SZT2: variants seen among roughly 807,000 people sequenced by gnomAD.
SZT2 encodes KICSTOR complex protein SZT2.
A neutral mutation model predicts 404.2 loss-of-function variants in SZT2; 216 were observed. That is an observed-to-expected ratio of 0.53 (90% CI 0.48 to 0.60). The LOEUF is 0.60. Among genes scored for constraint, SZT2 ranks in the 20% least tolerant of loss-of-function variants. SZT2 has a pLI of 0.00. For missense variants in SZT2, 3,857 were observed against 4,459.2 expected (o/e 0.86, Z 3.85); for synonymous variants, 1,693 against 1,749.9 (o/e 0.97, Z 0.81).
In SZT2 at chr1:43,424,290, G is replaced by C. The variant is rs1310835226; in HGVS notation, c.2329G>C (p.Val777Leu). Reference protein sequence around the residue: ...TLEPPGPLPLVSGRSASSSLA... With the variant: ...TLEPPGPLPLLSGRSASSSLA... ...GGAGCCACCAGGTCCACTGCCCTTGGTGTCAGGCCGCTCAGCCTCTTCTAG... is the reference window on the plus strand; with the variant it reads ...GGAGCCACCAGGTCCACTGCCCTTGCTGTCAGGCCGCTCAGCCTCTTCTAG... The change falls in exon 16 of 72, where the codon GTG becomes CTG. Residue 777 changes from valine to leucine, a missense_variant. Around this residue, in one of 7 missense-constraint regions of SZT2, gnomAD observed 1,725 missense variants for 1,881.0 expected, o/e 0.92. Transcript: ENST00000634258. This position sits in a 1 kb window ranked among gnomAD's most constrained non-coding sequence, Gnocchi z 4.1. 2 of 1,597,860 alleles carry C rather than the reference G, an allele frequency of 1.3e-6. No individual in the cohort carries two copies. The highest frequency in any genetic ancestry group is 2.7e-5 in the African/African-American group (2 of 74,810).
At position 43,448,074 on chromosome 1, in the gene SZT2, C is replaced by A; in HGVS notation, c.9564-5C>A. 6.3e-7 allele frequency: 1 copy of A among 1,598,780 alleles called. No homozygotes were observed. Among genetic ancestry groups the A allele is most frequent in the Non-Finnish European group, 8.5e-7 (1 of 1,169,644 alleles). ...ACCACTCTCCTGCCCTGCTCCCCAC[C>A]CCAGGCTACAGTTCTTCGTGGTGCT... On this transcript the variant is annotated splice_region_variant and splice_polypyrimidine_tract_variant and intron_variant, in intron 68 of 71. Coordinates refer to ENST00000634258, the MANE Select transcript of SZT2 (RefSeq NM_001365999.1). This position sits in a 1 kb window ranked among gnomAD's most constrained non-coding sequence, Gnocchi z 4.2.
Position 43,432,528 on chromosome 1 carries a change from C to A in SZT2, c.5454C>A (p.Ala1818=). 6.2e-7 allele frequency: 1 copy of A among 1,605,998 alleles called. No homozygotes were observed. The highest frequency in any genetic ancestry group is 1.1e-5 in the South Asian group (1 of 89,634). The change falls in exon 38 of 72, where the codon GCC becomes GCA. Residue 1818 remains alanine (A), a synonymous_variant. Transcript: ENST00000634258. The part of the protein sequence containing the change: ...AEGIEGETLT[A]SPQAPGSPED... ...TTCCTATTCCTCAGACCCTGACAGC[C>A]AGCCCCCAAGCACCTGGGTCCCCAG...
intron 1 of SZT2, among the ~76,000 whole-genome samples, chr1:43,393,498 C>T (rs1332951168): frequency 2.0e-5 from 3 of 152,096 alleles, no homozygotes; most frequent in African/African-American, 4.8e-5. Flanking sequence ...CTTTTAACTG[C>T]GTGGGGATTG....
chr1:43,400,601 G>T (rs977506760), intron 1 of SZT2, among the ~76,000 whole-genome samples: 7 of 152,218 alleles, frequency 4.6e-5, no homozygotes, highest in Admixed American at 4.6e-4. Flanking sequence ...GGCAGGCGTG[G>T]TGGCTCACGC....
chr1:43,434,308 T>A, intron 40 of SZT2, 78 bp from the exon 41 acceptor site: 2 of 1,250,156 alleles, frequency 1.6e-6, no homozygotes, highest in Non-Finnish European at 2.3e-6. Context: ...ATAACTGCAG[T>A]TATGTCATAT....
At chr1:43,433,459 A>G (rs1173188614) in intron 40 of SZT2, among the ~76,000 whole-genome samples, 1 of 152,222 alleles carries the variant, frequency 6.6e-6, no homozygotes, top group African/African-American at 2.4e-5. Flanking sequence ...TAAGGATCAG[A>G]GCAGCTTTAG....
In SZT2 at chr1:43,451,639, T is replaced by C. The variant is rs1317823814; in HGVS notation, c.*1159T>C. The C allele has an allele frequency of 6.2e-7, 1 of 1,613,866 alleles. No individual in the cohort carries two copies. Among genetic ancestry groups the C allele is most frequent in the East Asian group, 2.2e-5 (1 of 44,852 alleles). ...GAAAGGGTGGGAGGGCAAAGGAAGG[T>C]CCTCTCACCAACAATGGGCAGGAAC... On this transcript the variant is annotated 3_prime_UTR_variant, in exon 72 of 72. Coordinates refer to ENST00000634258, the MANE Select transcript of SZT2 (RefSeq NM_001365999.1).
chr1:43,453,358 G>C lies in SZT2; in HGVS notation c.*2878G>C. The C allele has an allele frequency of 6.9e-7, 1 of 1,450,996 alleles. No homozygotes were observed. Among genetic ancestry groups the C allele is most frequent in the Non-Finnish European group, 9.4e-7 (1 of 1,060,718 alleles). The allele number at this position is 1,450,996 out of a possible 1,614,324, so 89.9% of individuals were successfully genotyped here. The stretch of plus-strand genomic sequence containing the variant: ...ACCTGCATCAGGGTCATGGGTCACA[G>C]GGGTGGGGGTGGGGTGGAGCGGGGT... On this transcript the variant is annotated 3_prime_UTR_variant, in exon 72 of 72. Coordinates refer to ENST00000634258, the MANE Select transcript of SZT2 (RefSeq NM_001365999.1).
intron 1 of SZT2, among the ~76,000 whole-genome samples, chr1:43,392,113 AAAAAAAAAAAAAAAT>A (rs1648444472): frequency 6.8e-6 from 1 of 147,300 alleles, no homozygotes; most frequent in Admixed American, 6.8e-5. Context: ...AAAAAAAAAA[AAAAAAAAAAAAAAAT>A]GAAACAAATG....
chr1:43,407,991 C>A (rs545437852), intron 4 of SZT2, among the ~76,000 whole-genome samples: 32 of 151,940 alleles, frequency 2.1e-4, no homozygotes, highest in African/African-American at 7.2e-4. Flanking sequence ...CGCCACCACG[C>A]CCGGCTAATT....
chr1:43,392,805 A>C (rs541040607), intron 1 of SZT2, among the ~76,000 whole-genome samples: 5 of 152,212 alleles, frequency 3.3e-5, no homozygotes, highest in Non-Finnish European at 5.9e-5. Context: ...GGGTGTAATA[A>C]AGTTATTGAC....
At chr1:43,432,212 C>G in intron 36 of SZT2, 60 bp from the exon 37 acceptor site, 1 of 1,487,908 alleles carries the variant, frequency 6.7e-7, no homozygotes, top group Non-Finnish European at 9.0e-7. Context: ...GGAAGTGTAG[C>G]TCACCATGTG....
At position 43,403,162 on chromosome 1, in the gene SZT2, T is replaced by G; in HGVS notation, c.28-15T>G. The G allele has an allele frequency of 1.2e-6, 2 of 1,613,538 alleles. No individual in the cohort carries two copies. Among genetic ancestry groups the G allele is most frequent in the South Asian group, 1.1e-5 (1 of 91,010 alleles). On this transcript the variant is annotated splice_polypyrimidine_tract_variant and intron_variant, in intron 1 of 71. Coordinates refer to ENST00000634258, the MANE Select transcript of SZT2 (RefSeq NM_001365999.1). The stretch of plus-strand genomic sequence containing the variant: ...GCCATTTTTTAAAGATGTATTAATG[T>G]CTCTTTGTTCCCAGGTGGAAGAAGC...
rs1169459726 is a variant in SZT2 at position 43,422,221 on chromosome 1, G to T, written c.1765G>T (p.Asp589Tyr). The T allele has an allele frequency of 1.3e-6, 2 of 1,581,484 alleles. No homozygotes were observed. ...TCGCCTGGTGCTAATCCTGGAGCAT[G>T]ACACGTGGGTGCCCTTAGGGCTGGG... is the stretch of plus-strand genomic sequence containing the variant. ...MHRLVLILEH[D>Y]TPIPKHLHTP... is the part of the protein sequence containing the mutation. Residue 589 changes from aspartate to tyrosine, a missense_variant, in exon 12 of 72, where the codon GAC becomes TAC. By Grantham distance (160) the Asp-to-Tyr change is radical (BLOSUM62 -3). This residue lies in a region of SZT2 where 1,725 missense variants were observed against 1,881.0 expected (regional missense o/e 0.92). Transcript: ENST00000634258.
At chr1:43,400,889 C>G (rs1358553096) in intron 1 of SZT2, among the ~76,000 whole-genome samples, 1 of 151,578 alleles carries the variant, frequency 6.6e-6, no homozygotes, top group Non-Finnish European at 1.5e-5. Context: ...AAAAAAAGAA[C>G]CTAGTATAGT....
In SZT2 at chr1:43,439,620, C is replaced by T; in HGVS notation, c.6893C>T (p.Thr2298Ile). ...GTGGKGVACITLAFVDEGGAP... is the reference protein window; with the variant it reads ...GTGGKGVACIILAFVDEGGAP... ...TTCTACCCAGGGGTTGCCTGCATCA[C>T]TCTAGCCTTTGTGGATGAAGGAGGG... Residue 2298 changes from threonine to isoleucine, a missense_variant, in exon 50 of 72, where the codon ACT (threonine) becomes ATT (isoleucine). Thr to Ile is a moderately conservative substitution (Grantham distance 89). Coordinates refer to ENST00000634258, the MANE Select transcript of SZT2 (RefSeq NM_001365999.1). The surrounding 1 kb of genome is among the most constrained non-coding windows in gnomAD (Gnocchi z 4.2). The T allele has an allele frequency of 1.2e-6, 2 of 1,613,990 alleles. No individual in the cohort carries two copies. Among genetic ancestry groups the T allele is most frequent in the African/African-American group, 1.3e-5 (1 of 75,066 alleles).
rs1463511086 is a variant in SZT2, at chr1:43,425,254, T to A, written c.2645+47T>A. 6.2e-7 allele frequency: 1 copy of A among 1,602,864 alleles called. No homozygotes were observed. The highest frequency in any genetic ancestry group is 1.1e-5 in the South Asian group (1 of 90,448). On this transcript the variant is annotated intron_variant, in intron 18 of 71. Coordinates refer to ENST00000634258, the MANE Select transcript of SZT2 (RefSeq NM_001365999.1). The surrounding 1 kb of genome is among the most constrained non-coding windows in gnomAD (Gnocchi z 4.3). ...GGCCGCCTCTGCAGAGTCAGCCTTC[T>A]CCCCACCATCCCCTAGAGGTCTGGC...
In SZT2 at chr1:43,453,356, C is replaced by A. The variant is rs377473419; in HGVS notation, c.*2876C>A. The A allele has an allele frequency of 1.1e-5, 13 of 1,157,182 alleles. No individual in the cohort carries two copies. The African/African-American group carries it at 1.8e-4, about 16-fold the overall frequency. The allele number at this position is 1,157,182 out of a possible 1,614,324, so 71.7% of individuals were successfully genotyped here. Reference sequence around the variant, plus strand: ...GAACCTGCATCAGGGTCATGGGTCACAGGGGTGGGGGTGGGGTGGAGCGGG... The same window carrying A: ...GAACCTGCATCAGGGTCATGGGTCAAAGGGGTGGGGGTGGGGTGGAGCGGG... On this transcript the variant is annotated 3_prime_UTR_variant, in exon 72 of 72. Coordinates refer to ENST00000634258, the MANE Select transcript of SZT2 (RefSeq NM_001365999.1).
At position 43,427,635 on chromosome 1, in the gene SZT2, C is replaced by G; in HGVS notation, c.3704C>G (p.Thr1235Ser). 1 of 1,614,210 alleles carries G rather than the reference C, an allele frequency of 6.2e-7. No individual in the cohort carries two copies. Among genetic ancestry groups the G allele is most frequent in the Non-Finnish European group, 8.5e-7 (1 of 1,180,036 alleles). Residue 1235 changes from threonine to serine, a missense_variant, in exon 26 of 72, where the codon ACC (threonine) becomes AGC (serine). Physicochemically the swap from Thr to Ser is moderately conservative, Grantham distance 58 (BLOSUM62 1). This residue lies in a region of SZT2 where 1,725 missense variants were observed against 1,881.0 expected (regional missense o/e 0.92). Transcript: ENST00000634258. The stretch of plus-strand genomic sequence containing the variant: ...ACAGAGAGTGCGGATGGGCCCCGGA[C>G]CCGGTGTCCTGTCTACATCTACAGC... ...SQTESADGPRTRCPVYIYSCS... is the reference protein window; with the variant it reads ...SQTESADGPRSRCPVYIYSCS...
Sources: allele counts gnomAD v4.1 joint callset (sites outside exome capture counted in the v4.1 genomes callset), GRCh38; gene constraint gnomAD v4.1.1; regional missense constraint gnomAD v4.1.1; non-coding constraint Gnocchi (gnomAD v3.1); transcripts MANE v1.5; gene names NCBI Gene and HGNC (gene_info 2026-07-23, HGNC 2026-07-21).